Variants in NAV2 observed in about 807,000 individuals in gnomAD.
NAV2 encodes the protein helicase, APC down-regulated 1.
A neutral mutation model predicts 223.2 loss-of-function variants in NAV2; 54 were observed. The observed-to-expected ratio is 0.24, with a 90% CI of 0.19 to 0.30. The LOEUF (loss-of-function observed/expected upper bound fraction) is 0.30. Ranked by LOEUF, NAV2 falls within the 10% of genes least tolerant of loss-of-function variation. The pLI, the probability that NAV2 is intolerant of heterozygous loss-of-function variation, is 1.00. For missense variants in NAV2, 2,806 were observed against 3,147.5 expected (o/e 0.89, Z 2.60); for synonymous variants, 1,279 against 1,239.3 (o/e 1.03, Z -0.67).
intron 1 of NAV2, among the ~76,000 whole-genome samples, chr11:19,409,381 C>T (rs1590148756): frequency 6.6e-6 from 1 of 152,052 alleles, no homozygotes; most frequent in Non-Finnish European, 1.5e-5. Flanking sequence ...CTTTTTGAAC[C>T]TTCTCATCAC....
chr11:19,503,818 A>G (rs1018750776), intron 1 of NAV2: 3 of 152,248 alleles, frequency 2.0e-5, no homozygotes, highest in East Asian at 1.9e-4. Context: ...GTCAAGGAAT[A>G]TAATGGCTGG....
intron 33 of NAV2, 22 bp downstream of exon 33, chr11:20,103,431 C>T: frequency 6.2e-7 from 1 of 1,608,122 alleles, no homozygotes; most frequent in Non-Finnish European, 8.5e-7. Context: ...TTCTGGACCT[C>T]ATAGCCCCCC....
chr11:19,857,752 A>G (rs2061479994), intron 3 of NAV2, among the ~76,000 whole-genome samples: 1 of 152,276 alleles, frequency 6.6e-6, no homozygotes, highest in Admixed American at 6.5e-5. Flanking sequence ...TTTAAAAAGT[A>G]GAATTGATAT....
intron 6 of NAV2, among the ~76,000 whole-genome samples, chr11:19,918,295 C>T (rs11025325): frequency 0.33 from 50,125 of 152,162 alleles, 10,202 homozygotes; most frequent in Non-Finnish European, 0.46. Flanking sequence ...TCTCAAACTA[C>T]TGGTATCTGG....
intron 14 of NAV2, among the ~76,000 whole-genome samples, chr11:20,046,073 C>T (rs950807548): frequency 4.6e-5 from 7 of 152,322 alleles, no homozygotes; most frequent in South Asian, 4.1e-4. Context: ...CCGTGGCTCA[C>T]GCCTGTAATC....
chr11:19,936,232 A>G lies in NAV2; in HGVS notation c.2033+1955A>G, dbSNP rs541235890. Among the ~76,000 whole-genome samples, 5 of 152,172 alleles carry G rather than the reference A, an allele frequency of 3.3e-5. No individual in the cohort carries two copies. In the East Asian group the frequency reaches 9.7e-4, roughly 29 times the overall value. On this transcript the variant is annotated intron_variant, in intron 7 of 37. Coordinates refer to ENST00000349880, the MANE Select transcript of NAV2 (RefSeq NM_145117.5). Reference sequence around the variant, plus strand: ...TCCATATGAAATTTTTATAATTCCAATAGCATTATTAGTCTTAAGGTAATA... The same window carrying G: ...TCCATATGAAATTTTTATAATTCCAGTAGCATTATTAGTCTTAAGGTAATA...
In NAV2 at chr11:20,075,217, GT is replaced by G. The variant is rs1386079912; in HGVS notation, c.4984-2331del. The stretch of plus-strand genomic sequence containing the variant: ...CTGTCTCCATGTTTTTTGTTTTTTT[GT>G]TTTGTTTTTTTTTTTTTTGAGACAG... On this transcript the variant is annotated intron_variant, in intron 22 of 37. Coordinates refer to ENST00000349880, the MANE Select transcript of NAV2 (RefSeq NM_145117.5). Among the ~76,000 whole-genome samples the G allele has an allele frequency of 3.2e-3, 325 of 100,704 alleles. 2 individuals carry two copies. Among genetic ancestry groups the G allele is most frequent in the African/African-American group, 0.018 (310 of 17,374 alleles). 66.1% of individuals were successfully genotyped at this position (100,704 alleles called of 152,430 possible).
chr11:19,540,386 A>G (rs2044307699), intron 1 of NAV2, among the ~76,000 whole-genome samples: 1 of 152,236 alleles, frequency 6.6e-6, no homozygotes, highest in African/African-American at 2.4e-5. Flanking sequence ...TTTATTCTCC[A>G]CTTACTATTT....
intron 1 of NAV2, among the ~76,000 whole-genome samples, chr11:19,611,344 T>C (rs1039781214): frequency 1.3e-5 from 2 of 152,046 alleles, no homozygotes; most frequent in Non-Finnish European, 2.9e-5. Flanking sequence ...TCAAATCTCA[T>C]GTCCTCACAT....
At chr11:20,087,209 A>G (rs1331892592) in intron 26 of NAV2, among the ~76,000 whole-genome samples, 2 of 152,138 alleles carry the variant, frequency 1.3e-5, no homozygotes, top group African/African-American at 4.8e-5. Flanking sequence ...TAAGATGAGC[A>G]GAGAGAGGCG....
intron 1 of NAV2, among the ~76,000 whole-genome samples, chr11:19,764,912 T>C (rs1024386263): frequency 1.3e-5 from 2 of 152,148 alleles, no homozygotes; most frequent in Non-Finnish European, 2.9e-5. Context: ...CTCCTTTCTT[T>C]CCCTCACACT....
intron 1 of NAV2, among the ~76,000 whole-genome samples, chr11:19,556,638 A>G (rs2044901944): frequency 6.6e-6 from 1 of 152,234 alleles, no homozygotes; most frequent in South Asian, 2.1e-4. Context: ...ATTTTTCAAT[A>G]TATGTGCTTC....
intron 1 of NAV2, among the ~76,000 whole-genome samples, chr11:19,816,292 G>T (rs2059086846): frequency 6.6e-6 from 1 of 152,242 alleles, no homozygotes; most frequent in Non-Finnish European, 1.5e-5. Flanking sequence ...CCACTGCTGG[G>T]AATTGCCTGC....
At chr11:19,583,812 C>A (rs898633300) in intron 1 of NAV2, among the ~76,000 whole-genome samples, 1 of 152,206 alleles carries the variant, frequency 6.6e-6, no homozygotes, top group Admixed American at 6.5e-5. Flanking sequence ...CATCAATGTT[C>A]ATCAGGGATA....
chr11:19,491,118 C>G (rs1302059953), intron 1 of NAV2, among the ~76,000 whole-genome samples: 1 of 152,012 alleles, frequency 6.6e-6, no homozygotes, highest in Non-Finnish European at 1.5e-5. Flanking sequence ...CTTTGTCATT[C>G]CATTTACTGA....
At chr11:19,380,109 G>A (rs1043346367) in intron 1 of NAV2, among the ~76,000 whole-genome samples, 1 of 151,952 alleles carries the variant, frequency 6.6e-6, no homozygotes, top group African/African-American at 2.4e-5. Flanking sequence ...CCTTATTGTT[G>A]CCATGTTACT....
chr11:20,070,911 C>T (rs574083569), intron 22 of NAV2, among the ~76,000 whole-genome samples: 18 of 152,172 alleles, frequency 1.2e-4, no homozygotes, highest in African/African-American at 4.3e-4. Flanking sequence ...TTTAAGCTTG[C>T]AAAAACACCT....
At chr11:19,934,722 C>T (rs1217138365) in intron 7 of NAV2, among the ~76,000 whole-genome samples, 2 of 152,172 alleles carry the variant, frequency 1.3e-5, no homozygotes, top group Non-Finnish European at 2.9e-5. Context: ...TTTCTTATAG[C>T]AGGGATTGCC....
chr11:19,544,211 G>A (rs557135618), intron 1 of NAV2, among the ~76,000 whole-genome samples: 1 of 152,314 alleles, frequency 6.6e-6, no homozygotes, highest in East Asian at 1.9e-4. Flanking sequence ...AAAACCGAGT[G>A]ATTGAAGGAG....
Sources: gnomAD v4.1 joint callset for allele counts (sites outside exome capture counted in the v4.1 genomes callset) on GRCh38, gnomAD v4.1.1 for gene constraint, MANE v1.5 for transcripts, NCBI Gene and HGNC (gene_info 2026-07-23, HGNC 2026-07-21) for gene names.